The following TRANK1 variants were observed in gnomAD, a reference collection of about 807,000 sequenced individuals.
The protein encoded by TRANK1 is TPR and ankyrin repeat-containing protein 1.
TRANK1 carries 198 observed loss-of-function variants against 266.0 expected under a neutral mutation model. The observed-to-expected ratio is 0.74, with a 90% CI of 0.66 to 0.84. The LOEUF (loss-of-function observed/expected upper bound fraction) is 0.84, where lower values mean the gene tolerates loss of function less well. TRANK1 is among the 40% of genes least tolerant of loss of function. TRANK1 has a pLI of 0.00. For missense variants in TRANK1, 3,326 were observed against 3,634.6 expected (o/e 0.92, Z 2.18); for synonymous variants, 1,396 against 1,384.1 (o/e 1.01, Z -0.19).
At chr3:36,894,449 A>G (rs1358788820) in intron 5 of TRANK1, among the ~76,000 whole-genome samples, 1 of 152,252 alleles carries the variant, frequency 6.6e-6, no homozygotes, top group Non-Finnish European at 1.5e-5. Flanking sequence ...ACCTTATCCC[A>G]GGAGAAAATA....
intron 17 of TRANK1, among the ~76,000 whole-genome samples, chr3:36,843,374 C>T (rs1249279938): frequency 6.6e-6 from 1 of 152,120 alleles, no homozygotes; most frequent in Non-Finnish European, 1.5e-5. Context: ...TCAAGTGGCT[C>T]TTAGCAAGCT....
intron 6 of TRANK1, 108 bp downstream of exon 6, chr3:36,892,793 A>C (rs941468950): frequency 2.1e-5 from 7 of 331,816 alleles, no homozygotes; most frequent in Non-Finnish European, 3.3e-5. Context: ...ATGCCACTGC[A>C]CTCCAGCCTG....
intron 2 of TRANK1, among the ~76,000 whole-genome samples, chr3:36,907,289 T>G (rs2079983467): frequency 1.3e-5 from 2 of 152,116 alleles, no homozygotes; most frequent in Admixed American, 6.5e-5. Flanking sequence ...TAGCTGGGAT[T>G]ACAGGCGTGC....
intron 5 of TRANK1, among the ~76,000 whole-genome samples, chr3:36,893,918 T>C (rs542268167): frequency 6.6e-6 from 1 of 151,998 alleles, no homozygotes; most frequent in East Asian, 1.9e-4. Context: ...AGTCTCACTC[T>C]TGTTGCCCTG....
intron 1 of TRANK1, among the ~76,000 whole-genome samples, chr3:36,942,919 G>T (rs1183015838): frequency 6.6e-6 from 1 of 151,576 alleles, no homozygotes; most frequent in African/African-American, 2.4e-5. Flanking sequence ...GGTGGCTCTG[G>T]CGTGTAATCC....
chr3:36,845,841 T>C (rs995247410), intron 17 of TRANK1, among the ~76,000 whole-genome samples: 1 of 152,332 alleles, frequency 6.6e-6, no homozygotes, highest in Admixed American at 6.5e-5. Context: ...TACGCAGGTA[T>C]CTTTGAGATT....
intron 1 of TRANK1, among the ~76,000 whole-genome samples, chr3:36,922,703 G>A (rs1316219577): frequency 6.6e-6 from 1 of 150,778 alleles, no homozygotes; most frequent in Admixed American, 6.6e-5. Flanking sequence ...TTAAACCCAG[G>A]AGGCAGAGGT....
intron 18 of TRANK1, among the ~76,000 whole-genome samples, chr3:36,840,142 T>A (rs2078823669): frequency 6.6e-6 from 1 of 151,562 alleles, no homozygotes; most frequent in Non-Finnish European, 1.5e-5. Flanking sequence ...GAATAAAGGG[T>A]AAGATTTTAT....
intron 11 of TRANK1, among the ~76,000 whole-genome samples, chr3:36,859,902 G>A (rs2079116304): frequency 6.6e-6 from 1 of 152,146 alleles, no homozygotes; most frequent in African/African-American, 2.4e-5. Context: ...GCTGTGGATG[G>A]AGCCAACACC....
At chr3:36,834,025 A>C in intron 21 of TRANK1, 106 bp from the exon 22 acceptor site, 1 of 1,140,448 alleles carries the variant, frequency 8.8e-7, no homozygotes, top group South Asian at 1.8e-5. Context: ...CCACATGTAG[A>C]TATTACAAAA....
In TRANK1 at chr3:36,845,240, C is replaced by T. The variant is rs541018560; in HGVS notation, c.5191+1008G>A. ...TGCATGCTATCTCTCCAAACTCTTG[C>T]TATTTAAACCCTTGTTACCCATAAT... On this transcript the variant is annotated intron_variant, in intron 17 of 23. Coordinates refer to ENST00000645898, the MANE Select transcript of TRANK1 (RefSeq NM_001329998.2). 2.8e-4 allele frequency among the ~76,000 whole-genome samples: 42 copies of T among 152,286 alleles called. No individual in the cohort carries two copies. In the South Asian group the frequency reaches 8.5e-3, roughly 31 times the overall value.
intron 1 of TRANK1, among the ~76,000 whole-genome samples, chr3:36,909,715 G>A (rs2080024628): frequency 6.6e-6 from 1 of 152,218 alleles, no homozygotes; most frequent in South Asian, 2.1e-4. Context: ...GCACACATAA[G>A]TGGTGATTTA....
At position 36,857,394 on chromosome 3, in the gene TRANK1, C is replaced by T; in HGVS notation, c.2328G>A (p.Leu776=). The change falls in exon 13 of 24, where the codon CTG becomes CTA. Residue 776 remains leucine, a synonymous_variant. Coordinates refer to ENST00000645898, the MANE Select transcript of TRANK1 (RefSeq NM_001329998.2). The surrounding 1 kb of genome is among the most constrained non-coding windows in gnomAD (Gnocchi z 4.3). ...KEGKKDDKPT[L]GAGAPDCSEV... ...CACTACAGTCAGGGGCCCCTGCACC[C>T]AGAGTCGGCTTGTCATCTTTCTTTC... The T allele has an allele frequency of 6.2e-7, 1 of 1,612,450 alleles. No individual in the cohort carries two copies. Among genetic ancestry groups the T allele is most frequent in the Non-Finnish European group, 8.5e-7 (1 of 1,179,054 alleles).
chr3:36,828,494 G>C, intron 23 of TRANK1, 119 bp from the exon 24 acceptor site: 2 of 705,170 alleles, frequency 2.8e-6, no homozygotes, highest in South Asian at 3.8e-5. Context: ...AGGAAGGAAG[G>C]GCAGAATGGT....
intron 8 of TRANK1, among the ~76,000 whole-genome samples, chr3:36,883,277 C>T (rs1488282644): frequency 6.6e-6 from 1 of 151,760 alleles, no homozygotes; most frequent in Admixed American, 6.6e-5. Flanking sequence ...TCTGTCTCTA[C>T]CAACAACAAC....
rs530360295 is a variant in TRANK1 at position 36,851,791 on chromosome 3, C to T, written c.4815G>A (p.Val1605=). 45 of 1,612,348 alleles carry T rather than the reference C, an allele frequency of 2.8e-5. 1 individual carries two copies. In the Middle Eastern group the frequency reaches 6.6e-4, roughly 24 times the overall value. The change falls in exon 15 of 24, where the codon GTG becomes GTA. Residue 1605 remains valine, a synonymous_variant. Coordinates refer to ENST00000645898, the MANE Select transcript of TRANK1 (RefSeq NM_001329998.2). The part of the protein sequence containing the change: ...KIPEELGLAL[V]LTIYEAKGLE... ...AGCCTTTTGCTTCATAAATTGTTAG[C>T]ACAAGTGCTAACCCCAGCTCTTCTG...
At chr3:36,844,102 C>A (rs1416699964) in intron 17 of TRANK1, among the ~76,000 whole-genome samples, 1 of 152,180 alleles carries the variant, frequency 6.6e-6, no homozygotes, top group African/African-American at 2.4e-5. Flanking sequence ...TAAGACTGCA[C>A]TTTTTCTTGC....
chr3:36,851,027 A>G, intron 15 of TRANK1: 1 of 985,508 alleles, frequency 1.0e-6, no homozygotes. Flanking sequence ...TGGCTAGAAA[A>G]CCCAGGACAA....
rs1422131643 is a variant in TRANK1 at position 36,892,946 on chromosome 3, T to C, written c.591A>G (p.Pro197=). ...LLLSAKKDRL[P]RNIHVPELSL... ...ATAACTCTGGGACATGAATATTTCT[T>C]GGTAATCGGTCTTTTTTTGCTGACA... Residue 197 remains proline, a synonymous_variant, in exon 6 of 24, where the codon CCA becomes CCG. Coordinates refer to ENST00000645898, the MANE Select transcript of TRANK1 (RefSeq NM_001329998.2). 23 of 1,515,148 alleles carry C rather than the reference T, an allele frequency of 1.5e-5. No homozygotes were observed. The highest frequency in any genetic ancestry group is 2.0e-5 in the Non-Finnish European group (23 of 1,139,270). 93.9% of individuals were successfully genotyped at this position (1,515,148 alleles called of 1,614,324 possible). A position where few individuals can be genotyped will look rare whatever the true frequency, so the allele number is the denominator to read the frequency against.
Sources: allele counts gnomAD v4.1 joint callset (sites outside exome capture counted in the v4.1 genomes callset), GRCh38; gene constraint gnomAD v4.1.1; non-coding constraint Gnocchi (gnomAD v3.1); transcripts MANE v1.5; gene names NCBI Gene and HGNC (gene_info 2026-07-23, HGNC 2026-07-21).